The following FARSA variants were observed in gnomAD, a reference collection of about 807,000 sequenced individuals.
The protein encoded by FARSA is phenylalanine--tRNA ligase alpha subunit.
FARSA carries 37 observed loss-of-function variants against 63.2 expected under a neutral mutation model. That is an observed-to-expected ratio of 0.59 (90% CI 0.45 to 0.77). The LOEUF (loss-of-function observed/expected upper bound fraction) is 0.77. Ranked by LOEUF, FARSA falls within the 30% of genes least tolerant of loss-of-function variation. FARSA has a pLI of 0.00. For synonymous variants in FARSA, 312 were observed against 285.1 expected, an observed-to-expected ratio of 1.09 and a Z score of -0.95; for missense variants, 618 against 696.6, an observed-to-expected ratio of 0.89 and a Z score of 1.27.
intron 1 of FARSA, 74 bp downstream of exon 1, chr19:12,933,476 G>A: frequency 1.3e-6 from 2 of 1,495,246 alleles, no homozygotes; most frequent in South Asian, 1.2e-5. Flanking sequence ...AATTTGGCTT[G>A]GACGTAGAGC....
In FARSA at chr19:12,928,747, C is replaced by G; in HGVS notation, c.596+8G>C. 6.2e-7 allele frequency: 1 copy of G among 1,614,036 alleles called. No individual in the cohort carries two copies. Among genetic ancestry groups the G allele is most frequent in the Admixed American group, 1.7e-5 (1 of 60,026 alleles). On this transcript the variant is annotated splice_region_variant and intron_variant, in intron 5 of 12. Transcript: ENST00000314606. The stretch of plus-strand genomic sequence containing the variant: ...CCCACCTGCCCTGACCCTGGGGTTG[C>G]CTGCTACCTGGAGATCATCTCTGGG...
chr19:12,932,837 A>C (rs1971411498), intron 1 of FARSA: 1 of 152,232 alleles, frequency 6.6e-6, no homozygotes, highest in Non-Finnish European at 1.5e-5. Context: ...CCTTGTCCTG[A>C]ATCCCACGCC....
chr19:12,931,455 G>A (rs1056159578), intron 1 of FARSA, among the ~76,000 whole-genome samples: 1 of 152,142 alleles, frequency 6.6e-6, no homozygotes, highest in African/African-American at 2.4e-5. Context: ...GTAGAGATGG[G>A]GTTTCACCAT....
intron 1 of FARSA, 168 bp downstream of exon 1, chr19:12,933,382 C>A (rs141547000): frequency 8.6e-6 from 6 of 698,106 alleles, no homozygotes; most frequent in South Asian, 5.9e-5. Flanking sequence ...AACATCCGTG[C>A]GTCTGGGCCC....
chr19:12,931,280 T>C (rs181459459), intron 1 of FARSA, among the ~76,000 whole-genome samples: 63 of 152,246 alleles, frequency 4.1e-4, no homozygotes, highest in African/African-American at 1.3e-3. Flanking sequence ...CTTTTTTTTT[T>C]TGAGACGGAG....
Position 12,924,983 on chromosome 19 carries a change from A to G in FARSA, c.947T>C (p.Leu316Pro), listed in dbSNP as rs142135169. The G allele has an allele frequency of 5.0e-5, 81 of 1,614,208 alleles. No individual in the cohort carries two copies. In the African/African-American group the frequency reaches 9.3e-4, roughly 19 times the overall value. Residue 316 changes from leucine to proline, a missense_variant, in exon 9 of 13, where the codon CTG (leucine) becomes CCG (proline). Coordinates refer to ENST00000314606, the MANE Select transcript of FARSA (RefSeq NM_004461.3). The surrounding 1 kb of genome is among the most constrained non-coding windows in gnomAD (Gnocchi z 6.4). ...GSQGYKYNWK[L>P]DEARKNLLRT... Reference sequence around the variant, plus strand: ...CAGTAGGTTTTTCCGGGCCTCGTCCAGCTTCCAGTTATACTTGTACCTTCA... The same window carrying G: ...CAGTAGGTTTTTCCGGGCCTCGTCCGGCTTCCAGTTATACTTGTACCTTCA...
At position 12,930,459 on chromosome 19, in the gene FARSA, A is replaced by G. The variant is rs772263703; in HGVS notation, c.354T>C (p.Ser118=). The G allele has an allele frequency of 2.0e-5, 32 of 1,613,810 alleles. No individual in the cohort carries two copies. Among genetic ancestry groups the G allele is most frequent in the Non-Finnish European group, 2.4e-5 (28 of 1,179,974 alleles). ...MSNKWIRVDK[S]AADGPRVFRV... is the part of the protein sequence containing the mutation. The stretch of plus-strand genomic sequence containing the variant: ...GGAACACCCGGGGCCCGTCAGCCGC[A>G]CTCTTGTCCACCCGAATCCACTTGT... Residue 118 remains serine (S), a synonymous_variant, in exon 3 of 13, where the codon AGT becomes AGC. Coordinates refer to ENST00000314606, the MANE Select transcript of FARSA (RefSeq NM_004461.3).
rs371731013 is a variant in FARSA at position 12,924,299 on chromosome 19, G to C, written c.1274-34C>G. 32 of 1,587,020 alleles carry C rather than the reference G, an allele frequency of 2.0e-5. No individual in the cohort carries two copies. The South Asian group carries it at 3.5e-4, about 18-fold the overall frequency. On this transcript the variant is annotated intron_variant, in intron 11 of 12. Coordinates refer to ENST00000314606, the MANE Select transcript of FARSA (RefSeq NM_004461.3). This position sits in a 1 kb window ranked among gnomAD's most constrained non-coding sequence, Gnocchi z 6.4. ...GCAGGACAGAAAAGACGGGCAGTGC[G>C]TGTTGAGTTTCTGGGCACTGCTGGT...
At chr19:12,923,058 C>T (rs993484759) in intron 12 of FARSA, among the ~76,000 whole-genome samples, 172 bp from the exon 13 acceptor site, 1 of 152,106 alleles carries the variant, frequency 6.6e-6, no homozygotes, top group African/African-American at 2.4e-5. Flanking sequence ...GCCACACCAG[C>T]CTCCTCACTC....
At chr19:12,926,089 C>T (rs760908198) in intron 7 of FARSA, among the ~76,000 whole-genome samples, 1 of 151,772 alleles carries the variant, frequency 6.6e-6, no homozygotes, top group Admixed American at 6.6e-5. Flanking sequence ...CTGCCTCAGC[C>T]TCCTGAATAG....
Position 12,924,537 on chromosome 19 carries a change from T to TG in FARSA, c.1196-12dup, listed in dbSNP as rs781468401. The TG allele has an allele frequency of 6.8e-6, 11 of 1,613,086 alleles. No homozygotes were observed. The highest frequency in any genetic ancestry group is 3.3e-4 in the Middle Eastern group (2 of 6,084). ...GGAGTTGCGTGATACCTGCAGGAAGTGGGGGGCGGGCAGGAGAGCAGGGGT... is the reference window on the plus strand; with the variant it reads ...GGAGTTGCGTGATACCTGCAGGAAGTGGGGGGGCGGGCAGGAGAGCAGGGGT... On this transcript the variant is annotated splice_polypyrimidine_tract_variant and intron_variant, in intron 10 of 12. Coordinates refer to ENST00000314606, the MANE Select transcript of FARSA (RefSeq NM_004461.3). The surrounding 1 kb of genome is among the most constrained non-coding windows in gnomAD (Gnocchi z 6.4).
rs746436299 is a variant in FARSA at position 12,924,445 on chromosome 19, T to C, written c.1273+4A>G. On this transcript the variant is annotated splice_donor_region_variant and intron_variant, in intron 11 of 12. Transcript: ENST00000314606. This position sits in a 1 kb window ranked among gnomAD's most constrained non-coding sequence, Gnocchi z 6.4. ...CCCACCCCAGTACCAGGGCCTACCCTGACCTTGGTGGTAGCTGAACACCTC... is the reference window on the plus strand; with the variant it reads ...CCCACCCCAGTACCAGGGCCTACCCCGACCTTGGTGGTAGCTGAACACCTC... 3.1e-6 allele frequency: 5 copies of C among 1,612,964 alleles called. No homozygotes were observed. The South Asian group carries it at 3.3e-5, about 11-fold the overall frequency.
In FARSA at chr19:12,924,615, G is replaced by A; in HGVS notation, c.1195+24C>T. On this transcript the variant is annotated intron_variant, in intron 10 of 12. Coordinates refer to ENST00000314606, the MANE Select transcript of FARSA (RefSeq NM_004461.3). This position sits in a 1 kb window ranked among gnomAD's most constrained non-coding sequence, Gnocchi z 6.4. ...ACCTGCCCGCTGCCTCACCACCATG[G>A]CCCACCCCTGCCCCCCTGCTCACCC... 6.2e-7 allele frequency: 1 copy of A among 1,610,172 alleles called. No homozygotes were observed.
rs763725159 is a variant in FARSA, at chr19:12,928,582, C to T, written c.678G>A (p.Pro226=). 2.2e-5 allele frequency: 35 copies of T among 1,613,494 alleles called. No homozygotes were observed. The highest frequency in any genetic ancestry group is 3.3e-5 in the Admixed American group (2 of 59,940). The part of the protein sequence containing the change: ...GVLPDSGHLH[P]LLKVRSQFRQ... ...GGAACTGGGAGCGGACCTTGAGCAGCGGGTGAAGGTGGCCGCTGTCGGGGA... is the reference window on the plus strand; with the variant it reads ...GGAACTGGGAGCGGACCTTGAGCAGTGGGTGAAGGTGGCCGCTGTCGGGGA... The change falls in exon 6 of 13, where the codon CCG becomes CCA. Residue 226 remains proline, a synonymous_variant. Coordinates refer to ENST00000314606, the MANE Select transcript of FARSA (RefSeq NM_004461.3).
In FARSA at chr19:12,928,556, C is replaced by T; in HGVS notation, c.704G>A (p.Arg235Gln). 2.5e-6 allele frequency: 4 copies of T among 1,614,072 alleles called. No individual in the cohort carries two copies. The highest frequency in any genetic ancestry group is 2.2e-5 in the East Asian group (1 of 44,882). ...TCACCCCATCTCCAGGAAGATCTGT[C>T]GGAACTGGGAGCGGACCTTGAGCAG... ...HPLLKVRSQF[R>Q]QIFLEMGFTE... Residue 235 changes from arginine (R) to glutamine (Q), a missense_variant, in exon 6 of 13, where the codon CGA becomes CAA. Coordinates refer to ENST00000314606, the MANE Select transcript of FARSA (RefSeq NM_004461.3).
chr19:12,932,566 T>G (rs1312843764), intron 1 of FARSA, among the ~76,000 whole-genome samples: 1 of 152,178 alleles, frequency 6.6e-6, no homozygotes, highest in African/African-American at 2.4e-5. Context: ...TCACACTGAT[T>G]ATGTTACTGA....
At chr19:12,933,449 C>T (rs2146003676) in intron 1 of FARSA, 101 bp downstream of exon 1, 6 of 1,414,002 alleles carry the variant, frequency 4.2e-6, no homozygotes, top group Non-Finnish European at 4.7e-6. Context: ...ACAGCTACCC[C>T]AAACTAGGCC....
In FARSA at chr19:12,933,595, G is replaced by C; in HGVS notation, c.102C>G (p.His34Gln). Residue 34 changes from histidine to glutamine, a missense_variant, in exon 1 of 13, where the codon CAC (histidine) becomes CAG (glutamine). Coordinates refer to ENST00000314606, the MANE Select transcript of FARSA (RefSeq NM_004461.3). ...AELAAELGMEHQAVVGAVKSL... is the reference protein window; with the variant it reads ...AELAAELGMEQQAVVGAVKSL... The stretch of plus-strand genomic sequence containing the variant: ...TCTTCACGGCGCCCACCACCGCCTG[G>C]TGCTCCATGCCCAGCTCAGCCGCCA... The C allele has an allele frequency of 6.4e-7, 1 of 1,552,922 alleles. No individual in the cohort carries two copies. The highest frequency in any genetic ancestry group is 1.2e-5 in the South Asian group (1 of 85,158).
chr19:12,926,218 T>C (rs1368750953), intron 7 of FARSA, among the ~76,000 whole-genome samples: 1 of 148,086 alleles, frequency 6.8e-6, no homozygotes, highest in East Asian at 2.0e-4. Context: ...CCCAAAGTGC[T>C]GGAATTACAG....
Sources: gnomAD v4.1 joint callset for allele counts (sites outside exome capture counted in the v4.1 genomes callset) on GRCh38, gnomAD v4.1.1 for gene constraint, Gnocchi (gnomAD v3.1) non-coding constraint, MANE v1.5 for transcripts, NCBI Gene and HGNC (gene_info 2026-07-23, HGNC 2026-07-21) for gene names.